Variants in TSPEAR observed in about 807,000 individuals in gnomAD.
The protein encoded by TSPEAR is thrombospondin type laminin G domain and EAR repeats.
Under a neutral mutation model 71.6 loss-of-function variants are expected in TSPEAR, and 69 were observed. The observed-to-expected ratio is 0.96, with a 90% CI of 0.79 to 1.18. The LOEUF is 1.18. TSPEAR is among the 50% of genes most tolerant of loss of function. The pLI, the probability that TSPEAR is intolerant of heterozygous loss-of-function variation, is 0.00. For synonymous variants in TSPEAR, 402 were observed against 387.2 expected, an observed-to-expected ratio of 1.04 and a Z score of -0.45; for missense variants, 971 against 894.9, an observed-to-expected ratio of 1.09 and a Z score of -1.09.
At chr21:44,650,261 A>G (rs1984698102) in intron 1 of TSPEAR, among the ~76,000 whole-genome samples, 1 of 152,156 alleles carries the variant, frequency 6.6e-6, no homozygotes, top group Non-Finnish European at 1.5e-5. Flanking sequence ...CTGATCCCTC[A>G]TACTGTAAAC....
chr21:44,558,477 C>A, intron 2 of TSPEAR: 3 of 1,614,050 alleles, frequency 1.9e-6, no homozygotes, highest in Non-Finnish European at 2.5e-6. Flanking sequence ...AGACTGCTGG[C>A]AGCACGAGGG....
intron 2 of TSPEAR, chr21:44,539,959 G>C (rs781850756): frequency 6.8e-6 from 11 of 1,613,514 alleles, no homozygotes; most frequent in Middle Eastern, 1.8e-4. Flanking sequence ...GGCAGGGGCT[G>C]GGCTCACAGG....
intron 1 of TSPEAR, among the ~76,000 whole-genome samples, chr21:44,703,814 C>T (rs1987774447): frequency 6.6e-6 from 1 of 152,062 alleles, no homozygotes; most frequent in Non-Finnish European, 1.5e-5. Flanking sequence ...CCAAGGGTCC[C>T]ACACCCAGCC....
At chr21:44,523,913 T>TGTCA (rs1296902213) in intron 8 of TSPEAR, among the ~76,000 whole-genome samples, 5 of 145,140 alleles carry the variant, frequency 3.4e-5, no homozygotes, top group Non-Finnish European at 1.5e-5. Context: ...TCAGGTAGTT[T>TGTCA]GTCAGTCAGT....
At chr21:44,676,275 G>C in intron 1 of TSPEAR, 1 of 1,252,940 alleles carries the variant, frequency 8.0e-7, no homozygotes, top group Non-Finnish European at 1.2e-6. Context: ...ACACCCCATG[G>C]GTCAGGGACT....
chr21:44,690,411 T>C (rs1278791091), intron 1 of TSPEAR: 1 of 299,422 alleles, frequency 3.3e-6, no homozygotes, highest in Non-Finnish European at 4.9e-6. Flanking sequence ...TGATATAACA[T>C]CAAAGATAAC....
intron 1 of TSPEAR, among the ~76,000 whole-genome samples, chr21:44,684,220 T>A (rs1262007426): frequency 2.6e-5 from 4 of 152,202 alleles, no homozygotes; most frequent in African/African-American, 4.8e-5. Flanking sequence ...TCTACATCTA[T>A]GAAGAACGTG....
intron 1 of TSPEAR, among the ~76,000 whole-genome samples, chr21:44,615,518 T>C (rs1280240774): frequency 1.3e-5 from 2 of 151,892 alleles, no homozygotes; most frequent in Non-Finnish European, 2.9e-5. Flanking sequence ...CCACCCAGCT[T>C]AACCAGATGT....
Position 44,498,273 on chromosome 21 carries a change from G to A in TSPEAR, c.*1510C>T, listed in dbSNP as rs1306186049. The A allele has an allele frequency of 3.3e-5, 5 of 152,260 alleles. No individual in the cohort carries two copies. Among genetic ancestry groups the A allele is most frequent in the Non-Finnish European group, 7.3e-5 (5 of 68,076 alleles). 9.4% of individuals were successfully genotyped at this position (152,260 alleles called of 1,614,324 possible). On this transcript the variant is annotated 3_prime_UTR_variant, in exon 12 of 12. Coordinates refer to ENST00000323084, the MANE Select transcript of TSPEAR (RefSeq NM_144991.3). ...TCTTGGTTGAGTGAATTGGGGTGTC[G>A]AGTTTTTAATCTTCCTTTCACAGGT... is the stretch of plus-strand genomic sequence containing the variant.
intron 11 of TSPEAR, among the ~76,000 whole-genome samples, chr21:44,502,786 G>A (rs1291715484): frequency 2.0e-5 from 3 of 152,280 alleles, no homozygotes; most frequent in Non-Finnish European, 2.9e-5. Context: ...GGTGGCACCT[G>A]CGAGAGAAGG....
intron 1 of TSPEAR, chr21:44,677,771 C>G (rs587713705): frequency 3.8e-6 from 5 of 1,330,426 alleles, no homozygotes; most frequent in Non-Finnish European, 4.3e-6. Context: ...GTGGACCAGA[C>G]TGAGTTGATT....
At chr21:44,530,275 T>C (rs1308639861) in intron 4 of TSPEAR, among the ~76,000 whole-genome samples, 2 of 152,056 alleles carry the variant, frequency 1.3e-5, no homozygotes, top group Non-Finnish European at 2.9e-5. Flanking sequence ...CATCCATCTG[T>C]CCATCCATCA....
In TSPEAR at chr21:44,695,387, C is replaced by T. The variant is rs1466438417; in HGVS notation, c.82+16046G>A. ...GACCTTCTACTGAGAGGTCGGGGGT[C>T]GGGTCATGACACACAGCAGGAAATG... On this transcript the variant is annotated intron_variant, in intron 1 of 11. Coordinates refer to ENST00000323084, the MANE Select transcript of TSPEAR (RefSeq NM_144991.3). The surrounding 1 kb of genome is among the most constrained non-coding windows in gnomAD (Gnocchi z 4.5). Among the ~76,000 whole-genome samples, 9 of 152,082 alleles carry T rather than the reference C, an allele frequency of 5.9e-5. No individual in the cohort carries two copies. Among genetic ancestry groups the T allele is most frequent in the Admixed American group, 2.6e-4 (4 of 15,270 alleles).
At chr21:44,684,871 C>A (rs558929165) in intron 1 of TSPEAR, among the ~76,000 whole-genome samples, 1 of 152,338 alleles carries the variant, frequency 6.6e-6, no homozygotes, top group South Asian at 2.1e-4. Context: ...TACTTGGTGA[C>A]TAGGTCACAT....
At chr21:44,516,578 C>CG (rs377248651) in intron 9 of TSPEAR, 1 of 152,250 alleles carries the variant, frequency 6.6e-6, no homozygotes, top group Non-Finnish European at 1.5e-5. Context: ...GGTTCGGCCA[C>CG]GGGGCGATTC....
intron 1 of TSPEAR, among the ~76,000 whole-genome samples, chr21:44,663,813 T>TA (rs1258290680): frequency 3.4e-4 from 52 of 152,052 alleles, no homozygotes; most frequent in Non-Finnish European, 5.7e-4. Flanking sequence ...GGTTCAGTGT[T>TA]AAAAAATCAA....
chr21:44,549,955 G>C (rs1203120594), intron 2 of TSPEAR, among the ~76,000 whole-genome samples: 1 of 152,230 alleles, frequency 6.6e-6, no homozygotes, highest in East Asian at 1.9e-4. Context: ...AGCTGTCCCT[G>C]AGTGGAACTC....
chr21:44,512,470 C>T (rs1453894037), intron 9 of TSPEAR, among the ~76,000 whole-genome samples: 1 of 151,644 alleles, frequency 6.6e-6, no homozygotes, highest in East Asian at 1.9e-4. Flanking sequence ...GGAGACCACT[C>T]AGAGAACCTG....
intron 2 of TSPEAR, among the ~76,000 whole-genome samples, chr21:44,554,469 G>A (rs982820423): frequency 6.6e-6 from 1 of 152,220 alleles, no homozygotes; most frequent in Non-Finnish European, 1.5e-5. Context: ...TCAAAGGGCT[G>A]GCCCAGATAC....
Sources: gnomAD v4.1 joint callset for allele counts (sites outside exome capture counted in the v4.1 genomes callset) on GRCh38, gnomAD v4.1.1 for gene constraint, Gnocchi (gnomAD v3.1) non-coding constraint, MANE v1.5 for transcripts, NCBI Gene and HGNC (gene_info 2026-07-23, HGNC 2026-07-21) for gene names.